PCDHA8: variants seen among roughly 807,000 people sequenced by gnomAD.
The protein encoded by PCDHA8 is protocadherin alpha 8, also known as protocadherin alpha-8.
A neutral mutation model predicts 61.8 loss-of-function variants in PCDHA8; 53 were observed. The observed-to-expected ratio is 0.86, with a 90% CI of 0.69 to 1.08. PCDHA8 has a LOEUF of 1.08. Ranked by LOEUF, PCDHA8 falls within the 50% of genes least tolerant of loss-of-function variation. The pLI, the probability that PCDHA8 is intolerant of heterozygous loss-of-function variation, is 0.00. For missense variants in PCDHA8, 1,293 were observed against 1,245.0 expected, an observed-to-expected ratio of 1.04 and a Z score of -0.58; for synonymous variants, 618 against 556.6, an observed-to-expected ratio of 1.11 and a Z score of -1.55.
At chr5:140,946,631 T>TATATGTATATAC (rs57893927) in intron 1 of PCDHA8, among the ~76,000 whole-genome samples, 2 of 131,846 alleles carry the variant, frequency 1.5e-5, no homozygotes, top group Non-Finnish European at 3.1e-5. Flanking sequence ...TATATATATA[T>TATATGTATATAC]ACAATGGAAT....
chr5:140,968,272 A>G (rs369285531), intron 1 of PCDHA8: 1 of 1,613,936 alleles, frequency 6.2e-7, no homozygotes, highest in African/African-American at 1.3e-5. Context: ...AGGAGAATGC[A>G]GAGGTGACCT....
intron 1 of PCDHA8, among the ~76,000 whole-genome samples, chr5:140,896,209 T>C (rs1489640114): frequency 6.6e-6 from 1 of 152,238 alleles, no homozygotes; most frequent in African/African-American, 2.4e-5. Context: ...AACATACACA[T>C]ACATGTGTCT....
rs1444138021 is a variant in PCDHA8 at position 140,855,293 on chromosome 5, C to T, written c.2394+11578C>T. ...CTCAACCACCGTATTACTATTAGGC[C>T]AAAGTTATAAAATTGGAACATGAGG... On this transcript the variant is annotated intron_variant, in intron 1 of 3. Transcript: ENST00000531613. 2.7e-5 allele frequency among the ~76,000 whole-genome samples: 4 copies of T among 149,558 alleles called. 1 individual carries two copies. The highest frequency in any genetic ancestry group is 4.3e-4 in the South Asian group (2 of 4,702).
intron 1 of PCDHA8, chr5:140,870,351 C>G (rs958022470): frequency 2.5e-6 from 4 of 1,614,202 alleles, no homozygotes; most frequent in Non-Finnish European, 3.4e-6. Context: ...ACCGCGAGAA[C>G]GTGTGGGCCT....
rs2150462015 is a variant in PCDHA8 at position 140,849,990 on chromosome 5, T to G, written c.2394+6275T>G. On this transcript the variant is annotated intron_variant, in intron 1 of 3. Coordinates refer to ENST00000531613, the MANE Select transcript of PCDHA8 (RefSeq NM_018911.3). ...GTCCTACTCGCTGGTGGAGCGGCGGTTGGGCGAGCGCTCGCTGTCGAGCTA... is the reference window on the plus strand; with the variant it reads ...GTCCTACTCGCTGGTGGAGCGGCGGGTGGGCGAGCGCTCGCTGTCGAGCTA... 9.1e-5 allele frequency: 145 copies of G among 1,596,718 alleles called. 14 individuals carry two copies. The highest frequency in any genetic ancestry group is 5.1e-4 in the Admixed American group (30 of 59,270).
At chr5:140,969,982 G>T (rs1327490843) in intron 1 of PCDHA8, among the ~76,000 whole-genome samples, 1 of 152,184 alleles carries the variant, frequency 6.6e-6, no homozygotes, top group Non-Finnish European at 1.5e-5. Flanking sequence ...CAACTCTTCT[G>T]TAGAGGGCTG....
chr5:140,999,822 T>C (rs1389164136), intron 3 of PCDHA8, among the ~76,000 whole-genome samples: 3 of 152,222 alleles, frequency 2.0e-5, no homozygotes, highest in Non-Finnish European at 4.4e-5. Context: ...GAGCTGTGGC[T>C]TTAAAAATAT....
chr5:140,868,956 C>T (rs2050758654), intron 1 of PCDHA8: 9 of 1,367,630 alleles, frequency 6.6e-6, no homozygotes, highest in Non-Finnish European at 7.9e-6. Flanking sequence ...GAGGCACTCC[C>T]ATACAAAGGA....
intron 1 of PCDHA8, among the ~76,000 whole-genome samples, chr5:140,932,458 G>T (rs1316450984): frequency 6.6e-6 from 1 of 151,710 alleles, no homozygotes; most frequent in African/African-American, 2.4e-5. Flanking sequence ...TTTTGCCAGG[G>T]TATATAGGAA....
At chr5:140,874,935 G>T (rs2055180248) in intron 1 of PCDHA8, among the ~76,000 whole-genome samples, 1 of 152,168 alleles carries the variant, frequency 6.6e-6, no homozygotes, top group South Asian at 2.1e-4. Context: ...AAAAGTTATT[G>T]AAACAGCGGA....
intron 3 of PCDHA8, among the ~76,000 whole-genome samples, chr5:141,008,352 A>T (rs549122044): frequency 6.6e-6 from 1 of 152,204 alleles, no homozygotes; most frequent in Non-Finnish European, 1.5e-5. Flanking sequence ...TTCACGTGTC[A>T]ACCAAAGGAG....
chr5:140,938,758 A>T (rs2153638695), intron 1 of PCDHA8, among the ~76,000 whole-genome samples: 1 of 152,274 alleles, frequency 6.6e-6, no homozygotes, highest in African/African-American at 2.4e-5. Flanking sequence ...AGGCATAGTT[A>T]TTGGGTACTA....
Position 140,843,748 on chromosome 5 carries a change from C to A in PCDHA8, c.2394+33C>A. On this transcript the variant is annotated intron_variant, in intron 1 of 3. Coordinates refer to ENST00000531613, the MANE Select transcript of PCDHA8 (RefSeq NM_018911.3). ...CATTTAAATTTAGAACTCATAAATT[C>A]TATTTGTGGAAATTGTAGTTACTTT... is the stretch of plus-strand genomic sequence containing the variant. 1.3e-6 allele frequency: 2 copies of A among 1,523,192 alleles called. 1 individual carries two copies. Among genetic ancestry groups the A allele is most frequent in the Non-Finnish European group, 1.8e-6 (2 of 1,110,082 alleles). 94.4% of individuals were successfully genotyped at this position (1,523,192 alleles called of 1,614,324 possible). A position where few individuals can be genotyped will look rare whatever the true frequency, so the allele number is the denominator to read the frequency against.
At chr5:140,927,186 C>T in intron 1 of PCDHA8, 1 of 1,614,174 alleles carries the variant, frequency 6.2e-7, no homozygotes, top group East Asian at 2.2e-5. Context: ...TGACCTACGA[C>T]CTGGTGCTCG....
intron 1 of PCDHA8, chr5:140,968,014 A>G: frequency 6.2e-7 from 1 of 1,614,194 alleles, no homozygotes; most frequent in Non-Finnish European, 8.5e-7. Flanking sequence ...ATGGCTTTGG[A>G]AACTCCTATA....
At chr5:140,870,477 G>A (rs781992966) in intron 1 of PCDHA8, 2 of 1,614,238 alleles carry the variant, frequency 1.2e-6, no homozygotes, top group East Asian at 2.2e-5. Flanking sequence ...CACAGCCCGA[G>A]TACACCGTGT....
chr5:140,936,270 T>C (rs1367001317), intron 1 of PCDHA8, among the ~76,000 whole-genome samples: 1 of 152,226 alleles, frequency 6.6e-6, no homozygotes, highest in African/African-American at 2.4e-5. Flanking sequence ...GAAGATATAT[T>C]CCTGTGTTTT....
intron 1 of PCDHA8, among the ~76,000 whole-genome samples, chr5:140,961,599 G>T (rs1012408317): frequency 6.6e-6 from 1 of 152,062 alleles, no homozygotes; most frequent in African/African-American, 2.4e-5. Context: ...AATGATTCTA[G>T]TAAATGAAAC....
At chr5:140,982,226 A>G in intron 2 of PCDHA8, 1 of 603,292 alleles carries the variant, frequency 1.7e-6, no homozygotes, top group Non-Finnish European at 2.5e-6. Context: ...GCGTTAATAA[A>G]AAACAGAATT....
Sources: allele counts gnomAD v4.1 joint callset (sites outside exome capture counted in the v4.1 genomes callset), GRCh38; gene constraint gnomAD v4.1.1; transcripts MANE v1.5; gene names NCBI Gene and HGNC (gene_info 2026-07-23, HGNC 2026-07-21).